Variants in TSPYL4 observed in about 807,000 individuals in gnomAD.
TSPYL4 encodes testis-specific Y-encoded-like protein 4.
In TSPYL4, 22 loss-of-function variants were observed where a neutral mutation model predicts 24.2. That is an observed-to-expected ratio of 0.91 (90% CI 0.65 to 1.30). The LOEUF is 1.30. Among genes scored for constraint, TSPYL4 ranks in the 50% most tolerant of loss-of-function variants. The pLI is 0.00. For missense variants in TSPYL4, 569 were observed against 536.7 expected (o/e 1.06, Z -0.60); for synonymous variants, 211 against 208.2 (o/e 1.01, Z -0.12).
rs534374141 is a variant in TSPYL4 at position 116,252,068 on chromosome 6, C to A, written c.*696G>T. ...CATACTCACCAGCAGCTGGTCATGA[C>A]GTAGAGTAACCAAAGGTACAGGAAA... On this transcript the variant is annotated 3_prime_UTR_variant, in exon 1 of 1. Coordinates refer to ENST00000420283, the MANE Select transcript of TSPYL4 (RefSeq NM_021648.5). The A allele has an allele frequency of 4.6e-5, 7 of 152,698 alleles. No individual in the cohort carries two copies. Among genetic ancestry groups the A allele is most frequent in the African/African-American group, 1.7e-4 (7 of 41,430 alleles). 9.5% of individuals were successfully genotyped at this position (152,698 alleles called of 1,614,324 possible). A position where few individuals can be genotyped will look rare whatever the true frequency, so the allele number is the denominator to read the frequency against.
In TSPYL4 at chr6:116,250,168, G is replaced by A. The variant is rs933449068; in HGVS notation, c.*2596C>T. On this transcript the variant is annotated 3_prime_UTR_variant, in exon 1 of 1. Coordinates refer to ENST00000420283, the MANE Select transcript of TSPYL4 (RefSeq NM_021648.5). ...AAATATCAAGTAAGACAACAGAGTC[G>A]TATTTTTCTTTTTGAGGTTATTTTC... is the stretch of plus-strand genomic sequence containing the variant. The A allele has an allele frequency of 7.9e-5, 12 of 152,146 alleles. No homozygotes were observed. Among genetic ancestry groups the A allele is most frequent in the Admixed American group, 5.2e-4 (8 of 15,256 alleles). 9.4% of individuals were successfully genotyped at this position (152,146 alleles called of 1,614,324 possible).
rs776378293 is a variant in TSPYL4, at chr6:116,252,768, C to T, written c.1241G>A (p.Gly414Asp). 2 of 1,589,902 alleles carry T rather than the reference C, an allele frequency of 1.3e-6. No homozygotes were observed. Among genetic ancestry groups the T allele is most frequent in the South Asian group, 2.3e-5 (2 of 87,414 alleles). ...ESARSFRFQSG is the reference protein window; with the variant it reads ...ESARSFRFQSD The stretch of plus-strand genomic sequence containing the variant: ...AAGCTTCTCACAGGACAGAGATTAG[C>T]CAGACTGGAACCTGAAGGATCTGGC... The change falls in exon 1 of 1, where the codon GGC (glycine) becomes GAC (aspartate). Residue 414 changes from glycine to aspartate, a missense_variant. Gly to Asp is a moderately conservative substitution (Grantham distance 94). Transcript: ENST00000420283.
Position 116,251,221 on chromosome 6 carries a change from A to C in TSPYL4, c.*1543T>G. On this transcript the variant is annotated 3_prime_UTR_variant, in exon 1 of 1. Transcript: ENST00000420283. ...TCTTTAGAAAAGTGGAGTGAGGCTAAGTTTTGGTTGCCTTTGCTCACATCA... is the reference window on the plus strand; with the variant it reads ...TCTTTAGAAAAGTGGAGTGAGGCTACGTTTTGGTTGCCTTTGCTCACATCA... The C allele has an allele frequency of 2.5e-6, 1 of 398,698 alleles. No homozygotes were observed. Among genetic ancestry groups the C allele is most frequent in the Non-Finnish European group, 4.4e-6 (1 of 226,138 alleles). The allele number at this position is 398,698 out of a possible 1,614,324, so 24.7% of individuals were successfully genotyped here.
Position 116,250,871 on chromosome 6 carries a change from C to A in TSPYL4, c.*1893G>T. On this transcript the variant is annotated 3_prime_UTR_variant, in exon 1 of 1. Coordinates refer to ENST00000420283, the MANE Select transcript of TSPYL4 (RefSeq NM_021648.5). ...AAGGGTGATGGTGGATGGTCTTTAT[C>A]ACCACACATGATCATAACTAAGCCT... 4.0e-6 allele frequency: 1 copy of A among 249,664 alleles called. No individual in the cohort carries two copies. The highest frequency in any genetic ancestry group is 7.6e-6 in the Non-Finnish European group (1 of 132,168). 15.5% of individuals were successfully genotyped at this position (249,664 alleles called of 1,614,324 possible). A position where few individuals can be genotyped will look rare whatever the true frequency, so the allele number is the denominator to read the frequency against.
In TSPYL4 at chr6:116,252,513, A is replaced by G. The variant is rs962004294; in HGVS notation, c.*251T>C. The G allele has an allele frequency of 7.8e-6, 4 of 511,600 alleles. No individual in the cohort carries two copies. The highest frequency in any genetic ancestry group is 3.3e-5 in the Admixed American group (1 of 29,960). 31.7% of individuals were successfully genotyped at this position (511,600 alleles called of 1,614,324 possible). On this transcript the variant is annotated 3_prime_UTR_variant, in exon 1 of 1. Transcript: ENST00000420283. The stretch of plus-strand genomic sequence containing the variant: ...ATCTATAGTATCATACGCTTGGCAT[A>G]GAAGCCGTAGAAGGCCATGCACTTG...
chr6:116,251,361 G>C lies in TSPYL4; in HGVS notation c.*1403C>G, dbSNP rs1771948499. The C allele has an allele frequency of 2.5e-6, 1 of 397,704 alleles. No individual in the cohort carries two copies. 24.6% of individuals were successfully genotyped at this position (397,704 alleles called of 1,614,324 possible). A position where few individuals can be genotyped will look rare whatever the true frequency, so the allele number is the denominator to read the frequency against. On this transcript the variant is annotated 3_prime_UTR_variant, in exon 1 of 1. Transcript: ENST00000420283. ...TACACAGGTTTTGGTAGAATGGATG[G>C]GGTAAAAAGATAAATATGTCAAAAT...
rs1488202228 is a variant in TSPYL4, at chr6:116,253,397, C to T, written c.612G>A (p.Met204Ile). Residue 204 changes from methionine to isoleucine, a missense_variant, in exon 1 of 1, where the codon ATG becomes ATA. By Grantham distance (10) the Met-to-Ile change is conservative. Transcript: ENST00000420283. This position sits in a 1 kb window ranked among gnomAD's most constrained non-coding sequence, Gnocchi z 4.3. ...RPRAPKINNC[M>I]DSLEAIDQEL... ...CTTGATCGATGGCCTCCAGTGAGTCCATGCAGTTATTGATCTTCGGGGCCC... is the reference window on the plus strand; with the variant it reads ...CTTGATCGATGGCCTCCAGTGAGTCTATGCAGTTATTGATCTTCGGGGCCC... 1 of 1,552,060 alleles carries T rather than the reference C, an allele frequency of 6.4e-7. No homozygotes were observed. The highest frequency in any genetic ancestry group is 2.0e-5 in the Admixed American group (1 of 51,028).
At position 116,252,594 on chromosome 6, in the gene TSPYL4, G is replaced by T; in HGVS notation, c.*170C>A. The T allele has an allele frequency of 1.3e-6, 1 of 792,968 alleles. No individual in the cohort carries two copies. 49.1% of individuals were successfully genotyped at this position (792,968 alleles called of 1,614,324 possible). The stretch of plus-strand genomic sequence containing the variant: ...AAGGCCCAGAGGAAGAATGGCACAG[G>T]CAGGTAAGCCAACAATCTTGCAACC... On this transcript the variant is annotated 3_prime_UTR_variant, in exon 1 of 1. Coordinates refer to ENST00000420283, the MANE Select transcript of TSPYL4 (RefSeq NM_021648.5).
chr6:116,253,596 C>A lies in TSPYL4; in HGVS notation c.413G>T (p.Gly138Val), dbSNP rs1199381352. 9 of 1,552,462 alleles carry A rather than the reference C, an allele frequency of 5.8e-6. No homozygotes were observed. The highest frequency in any genetic ancestry group is 7.0e-6 in the Non-Finnish European group (8 of 1,147,268). ...CCCCGGTATCATCTGAGACCCCAAG[C>A]CCCCTGCGCCACAGGCTTCTAGAGC... Reference protein sequence around the residue: ...QKALEACGAGGLGSQMIPGKK... With the variant: ...QKALEACGAGVLGSQMIPGKK... The change falls in exon 1 of 1, where the codon GGC becomes GTC. Residue 138 changes from glycine (G) to valine (V), a missense_variant. Transcript: ENST00000420283. This position sits in a 1 kb window ranked among gnomAD's most constrained non-coding sequence, Gnocchi z 4.3.
At position 116,252,692 on chromosome 6, in the gene TSPYL4, G is replaced by T. The variant is rs905233995; in HGVS notation, c.*72C>A. ...AGAGAAAGCAGATGGAAGACTGCAT[G>T]CTGTTGGCCAAGCATAGGTCCAAGA... On this transcript the variant is annotated 3_prime_UTR_variant, in exon 1 of 1. Transcript: ENST00000420283. 1 of 1,441,168 alleles carries T rather than the reference G, an allele frequency of 6.9e-7. No homozygotes were observed. The highest frequency in any genetic ancestry group is 9.2e-7 in the Non-Finnish European group (1 of 1,084,758). The allele number at this position is 1,441,168 out of a possible 1,614,324, so 89.3% of individuals were successfully genotyped here.
Position 116,252,634 on chromosome 6 carries a change from T to C in TSPYL4, c.*130A>G, listed in dbSNP as rs1030975982. 8.3e-6 allele frequency: 10 copies of C among 1,207,104 alleles called. No homozygotes were observed. The African/African-American group carries it at 1.4e-4, about 17-fold the overall frequency. 74.8% of individuals were successfully genotyped at this position (1,207,104 alleles called of 1,614,324 possible). On this transcript the variant is annotated 3_prime_UTR_variant, in exon 1 of 1. Coordinates refer to ENST00000420283, the MANE Select transcript of TSPYL4 (RefSeq NM_021648.5). ...ATCTTGCAACCGATTACTGAAGATTTAGAACCAAAGGAAAAGATAATCCAC... is the reference window on the plus strand; with the variant it reads ...ATCTTGCAACCGATTACTGAAGATTCAGAACCAAAGGAAAAGATAATCCAC...
rs1295743882 is a variant in TSPYL4 at position 116,252,045 on chromosome 6, TACTC to T, written c.*715_*718del. 4 of 152,714 alleles carry T rather than the reference TACTC, an allele frequency of 2.6e-5. No individual in the cohort carries two copies. Among genetic ancestry groups the T allele is most frequent in the African/African-American group, 9.6e-5 (4 of 41,462 alleles). 9.5% of individuals were successfully genotyped at this position (152,714 alleles called of 1,614,324 possible). On this transcript the variant is annotated 3_prime_UTR_variant, in exon 1 of 1. Transcript: ENST00000420283. ...GGGGTGGGCTATAGCACAGGCTTCA[TACTC>T]ACCAGCAGCTGGTCATGACGTAGAG...
In TSPYL4 at chr6:116,253,680, T is replaced by C. The variant is rs1478108551; in HGVS notation, c.329A>G (p.Asp110Gly). Residue 110 changes from aspartate to glycine, a missense_variant, in exon 1 of 1, where the codon GAC (aspartate) becomes GGC (glycine). Asp to Gly is a moderately conservative substitution (Grantham distance 94, BLOSUM62 -1). Coordinates refer to ENST00000420283, the MANE Select transcript of TSPYL4 (RefSeq NM_021648.5). This position sits in a 1 kb window ranked among gnomAD's most constrained non-coding sequence, Gnocchi z 4.3. ...CTGACAGCCATTTTTCTGGCTGCTG[T>C]CAGCAGCCTCGGCGGCAGAGGCTGC... is the stretch of plus-strand genomic sequence containing the variant. ...LEAASAAEAADSSQKNGCQLG... is the reference protein window; with the variant it reads ...LEAASAAEAAGSSQKNGCQLG... The C allele has an allele frequency of 4.5e-6, 7 of 1,558,316 alleles. No homozygotes were observed. Among genetic ancestry groups the C allele is most frequent in the South Asian group, 1.2e-5 (1 of 84,934 alleles).
rs946537634 is a variant in TSPYL4, at chr6:116,250,818, G to A, written c.*1946C>T. The stretch of plus-strand genomic sequence containing the variant: ...ACCTCCTAAACCCTCAGGTAGCTTA[G>A]GGCAAGGCCTTCAAAACCAAAGGGG... On this transcript the variant is annotated 3_prime_UTR_variant, in exon 1 of 1. Transcript: ENST00000420283. The A allele has an allele frequency of 5.9e-6, 1 of 170,598 alleles. No individual in the cohort carries two copies. Among genetic ancestry groups the A allele is most frequent in the Non-Finnish European group, 1.2e-5 (1 of 80,462 alleles). The allele number at this position is 170,598 out of a possible 1,614,324, so 10.6% of individuals were successfully genotyped here.
chr6:116,253,468 T>G lies in TSPYL4; in HGVS notation c.541A>C (p.Lys181Gln). Reference protein sequence around the residue: ...AAMEEKKVVQKEKKVAGGVKE... With the variant: ...AAMEEKKVVQQEKKVAGGVKE... ...ACCCCTCCTGCCACCTTTTTTTCCT[T>G]CTGCACTACCTTCTTTTCCTCCATC... The change falls in exon 1 of 1, where the codon AAG becomes CAG. Residue 181 changes from lysine to glutamine, a missense_variant. Physicochemically the swap from Lys to Gln is moderately conservative, Grantham distance 53. Coordinates refer to ENST00000420283, the MANE Select transcript of TSPYL4 (RefSeq NM_021648.5). This position sits in a 1 kb window ranked among gnomAD's most constrained non-coding sequence, Gnocchi z 4.3. 1 of 1,551,668 alleles carries G rather than the reference T, an allele frequency of 6.4e-7. No individual in the cohort carries two copies. The highest frequency in any genetic ancestry group is 1.2e-5 in the South Asian group (1 of 84,052).
chr6:116,253,342 T>A lies in TSPYL4; in HGVS notation c.667A>T (p.Arg223Trp). 6.4e-7 allele frequency: 1 copy of A among 1,563,660 alleles called. No individual in the cohort carries two copies. The highest frequency in any genetic ancestry group is 8.7e-7 in the Non-Finnish European group (1 of 1,153,518). Reference protein sequence around the residue: ...ELSNVNAQADRAFLQLERKFG... With the variant: ...ELSNVNAQADWAFLQLERKFG... ...TTGCGCTCAAGCTGAAGGAAGGCCCTGTCAGCCTGGGCATTTACGTTTGAC... is the reference window on the plus strand; with the variant it reads ...TTGCGCTCAAGCTGAAGGAAGGCCCAGTCAGCCTGGGCATTTACGTTTGAC... Residue 223 changes from arginine (R) to tryptophan (W), a missense_variant, in exon 1 of 1, where the codon AGG (arginine) becomes TGG (tryptophan). Coordinates refer to ENST00000420283, the MANE Select transcript of TSPYL4 (RefSeq NM_021648.5). This position sits in a 1 kb window ranked among gnomAD's most constrained non-coding sequence, Gnocchi z 4.3.
rs768466156 is a variant in TSPYL4, at chr6:116,252,735, TTG to T, written c.*27_*28del. On this transcript the variant is annotated 3_prime_UTR_variant, in exon 1 of 1. Coordinates refer to ENST00000420283, the MANE Select transcript of TSPYL4 (RefSeq NM_021648.5). ...GTCCAAGAGGAGGTGGTAAGGAAAC[TTG>T]TGCAGAAGCTTCTCACAGGACAGAG... is the stretch of plus-strand genomic sequence containing the variant. The T allele has an allele frequency of 6.5e-7, 1 of 1,538,524 alleles. No individual in the cohort carries two copies. Among genetic ancestry groups the T allele is most frequent in the Admixed American group, 2.1e-5 (1 of 47,452 alleles).
rs1772003999 is a variant in TSPYL4, at chr6:116,253,469, CT to C, written c.539del (p.Gln180ArgfsTer10). The C allele has an allele frequency of 6.4e-7, 1 of 1,551,588 alleles. No homozygotes were observed. Among genetic ancestry groups the C allele is most frequent in the East Asian group, 2.4e-5 (1 of 40,910 alleles). On this transcript the variant is annotated frameshift_variant, in exon 1 of 1. Transcript: ENST00000420283. LOFTEE classifies it high-confidence loss of function. This position sits in a 1 kb window ranked among gnomAD's most constrained non-coding sequence, Gnocchi z 4.3. Reference sequence around the variant, plus strand: ...CCCCTCCTGCCACCTTTTTTTCCTTCTGCACTACCTTCTTTTCCTCCATCGC... The same window carrying C: ...CCCCTCCTGCCACCTTTTTTTCCTTCGCACTACCTTCTTTTCCTCCATCGC... ...GAAMEEKKVV[Q>X]KEKKVAGGVK...
rs1375643537 is a variant in TSPYL4, at chr6:116,253,021, T to C, written c.988A>G (p.Ile330Val). The change falls in exon 1 of 1, where the codon ATC becomes GTC. Residue 330 changes from isoleucine to valine, a missense_variant. Coordinates refer to ENST00000420283, the MANE Select transcript of TSPYL4 (RefSeq NM_021648.5). This position sits in a 1 kb window ranked among gnomAD's most constrained non-coding sequence, Gnocchi z 4.3. ...GGGTCTTGGCCTCGGTGCCAGCGGA[T>C]TGGAGTGGAAAGAGACACCACCCGG... is the stretch of plus-strand genomic sequence containing the variant. ...SGRVVSLSTP[I>V]RWHRGQDPQA... The C allele has an allele frequency of 5.0e-6, 8 of 1,614,030 alleles. No individual in the cohort carries two copies. The highest frequency in any genetic ancestry group is 2.2e-5 in the East Asian group (1 of 44,888).
Sources: gnomAD v4.1 joint callset for allele counts on GRCh38, gnomAD v4.1.1 for gene constraint, Gnocchi (gnomAD v3.1) non-coding constraint, MANE v1.5 for transcripts, NCBI Gene and HGNC (gene_info 2026-07-23, HGNC 2026-07-21) for gene names.